The following WDR77 variants were observed in gnomAD, a reference collection of about 807,000 sequenced individuals.
The protein encoded by WDR77 is methylosome protein WDR77.
A neutral mutation model predicts 44.0 loss-of-function variants in WDR77; 31 were observed. The ratio of observed to expected loss-of-function variants is 0.70; its 90% CI spans 0.53 to 0.95. The LOEUF is 0.95. WDR77 is among the 40% of genes least tolerant of loss of function. WDR77 has a pLI of 0.00. For missense variants in WDR77, 390 were observed against 423.9 expected, an observed-to-expected ratio of 0.92 and a Z score of 0.70; for synonymous variants, 186 against 165.7, an observed-to-expected ratio of 1.12 and a Z score of -0.94.
At chr1:111,449,019 G>A (rs1356798204) in intron 1 of WDR77, 36 bp downstream of exon 1, 2 of 1,553,472 alleles carry the variant, frequency 1.3e-6, no homozygotes, top group African/African-American at 2.7e-5. Context: ...CCTGGGCCGG[G>A]GTAAGGGAGC....
Position 111,446,868 on chromosome 1 carries a change from T to C in WDR77, c.493+227A>G, listed in dbSNP as rs574429952. On this transcript the variant is annotated intron_variant, in intron 4 of 9. Transcript: ENST00000235090. ...GTTACAGATTAAACTCCTTGTTCTA[T>C]TCTTTCCTCCCTTTTCACTACTGCA... The C allele has an allele frequency of 1.3e-5, 7 of 536,974 alleles. No homozygotes were observed. The East Asian group carries it at 2.2e-4, about 17-fold the overall frequency. 33.3% of individuals were successfully genotyped at this position (536,974 alleles called of 1,614,324 possible).
intron 8 of WDR77, 23 bp from the exon 9 acceptor site, chr1:111,442,116 G>C: frequency 6.2e-6 from 10 of 1,610,570 alleles, no homozygotes; most frequent in Non-Finnish European, 8.5e-6. Flanking sequence ...GGAGAGGGTT[G>C]TGAAAGGTCC....
At position 111,442,899 on chromosome 1, in the gene WDR77, A is replaced by C. The variant is rs1380932570; in HGVS notation, c.692-138T>G. The C allele has an allele frequency of 2.7e-5, 15 of 557,124 alleles. No individual in the cohort carries two copies. The Admixed American group carries it at 5.1e-4, about 19-fold the overall frequency. The allele number at this position is 557,124 out of a possible 1,614,324, so 34.5% of individuals were successfully genotyped here. A position where few individuals can be genotyped will look rare whatever the true frequency, so the allele number is the denominator to read the frequency against. ...TCTCTTTTGCAAAGTAGGAATAATA[A>C]GTCACTGGATCATTGTGAAAATTAA... On this transcript the variant is annotated intron_variant, in intron 7 of 9. Transcript: ENST00000235090.
At chr1:111,448,568 A>C (rs1479182763) in intron 2 of WDR77, 51 bp downstream of exon 2, 1 of 1,610,126 alleles carries the variant, frequency 6.2e-7, no homozygotes, top group African/African-American at 1.3e-5. Context: ...CCAAGTCTCC[A>C]TTCTACCGTT....
rs772574019 is a variant in WDR77, at chr1:111,442,688, G to A, written c.765C>T (p.Ser255=). ...AGAACACCAGCCCAGTGACACACTG[G>A]GAGTGTACAGCTGAGCTCAGGACAC... The part of the protein sequence containing the change: ...TSCVLSSAVH[S]QCVTGLVFSP... The change falls in exon 8 of 10, where the codon TCC becomes TCT. Residue 255 remains serine, a synonymous_variant. Coordinates refer to ENST00000235090, the MANE Select transcript of WDR77 (RefSeq NM_024102.4). 6.3e-7 allele frequency: 1 copy of A among 1,594,750 alleles called. No homozygotes were observed. Among genetic ancestry groups the A allele is most frequent in the East Asian group, 2.3e-5 (1 of 44,264 alleles).
At chr1:111,448,032 C>A (rs750749259) in intron 2 of WDR77, among the ~76,000 whole-genome samples, 6 of 152,106 alleles carry the variant, frequency 3.9e-5, no homozygotes, top group Non-Finnish European at 5.9e-5. Flanking sequence ...AATAATTGAA[C>A]GTCTTGCACA....
At chr1:111,446,744 G>A (rs1349401800) in intron 4 of WDR77, 1 of 201,814 alleles carries the variant, frequency 5.0e-6, no homozygotes, top group Non-Finnish European at 9.9e-6. Flanking sequence ...AAAGGACCGA[G>A]TTTGAGCCCT....
chr1:111,441,581 T>C, intron 9 of WDR77, 192 bp from the exon 10 acceptor site: 2 of 1,295,196 alleles, frequency 1.5e-6, no homozygotes, highest in South Asian at 2.7e-5. Flanking sequence ...AATCCAGTCT[T>C]CTATTTTCAT....
At chr1:111,447,249 C>T in intron 3 of WDR77, 105 bp from the exon 4 acceptor site, 5 of 1,498,786 alleles carry the variant, frequency 3.3e-6, no homozygotes, top group Non-Finnish European at 4.6e-6. Context: ...AAGTCTTTGC[C>T]TCTTGGACTG....
In WDR77 at chr1:111,448,718, G is replaced by C. The variant is rs777471411; in HGVS notation, c.202C>G (p.Pro68Ala). 1 of 1,614,130 alleles carries C rather than the reference G, an allele frequency of 6.2e-7. No homozygotes were observed. Among genetic ancestry groups the C allele is most frequent in the South Asian group, 1.1e-5 (1 of 91,070 alleles). ...CCGGCGGAGCAGAAGCCTTCGTTGG[G>C]GGCGGCACAGGGGTCCTTAAAAAGC... Reference protein sequence around the residue: ...LWLFKDPCAAPNEGFCSAGVQ... With the variant: ...LWLFKDPCAAANEGFCSAGVQ... Residue 68 changes from proline (P) to alanine (A), a missense_variant, in exon 2 of 10, where the codon CCC becomes GCC. By Grantham distance (27) the Pro-to-Ala change is conservative. Transcript: ENST00000235090.
chr1:111,441,901 C>A, intron 9 of WDR77, 124 bp downstream of exon 9: 1 of 964,526 alleles, frequency 1.0e-6, no homozygotes, highest in Admixed American at 2.1e-5. Flanking sequence ...ATTACCAAGT[C>A]CCTTCGGATA....
chr1:111,441,138 T>C lies in WDR77; in HGVS notation c.*92A>G. ...GCACAGATCTAGCATATCAACATAC[T>C]ATAGAAGGCTCCTGTGTTGTCTCAC... On this transcript the variant is annotated 3_prime_UTR_variant, in exon 10 of 10. Transcript: ENST00000235090. 7.7e-7 allele frequency: 1 copy of C among 1,297,458 alleles called. No individual in the cohort carries two copies. Among genetic ancestry groups the C allele is most frequent in the Non-Finnish European group, 1.0e-6 (1 of 989,714 alleles). The allele number at this position is 1,297,458 out of a possible 1,614,324, so 80.4% of individuals were successfully genotyped here. A position where few individuals can be genotyped will look rare whatever the true frequency, so the allele number is the denominator to read the frequency against.
Position 111,448,787 on chromosome 1 carries a change from C to T in WDR77, c.133G>A (p.Gly45Arg). The T allele has an allele frequency of 6.3e-7, 1 of 1,585,466 alleles. No homozygotes were observed. The highest frequency in any genetic ancestry group is 1.1e-5 in the South Asian group (1 of 88,370). The change falls in exon 2 of 10, where the codon GGG becomes AGG. Residue 45 changes from glycine to arginine, a missense_variant. Coordinates refer to ENST00000235090, the MANE Select transcript of WDR77 (RefSeq NM_024102.4). ...CAGCGCCCACTCAGGCTGGAGGCCC[C>T]GAGGAGAAGCGCCCCATCTACGGGG... ...RYRSDGALLL[G>R]ASSLSGRCWA...
rs72990176 is a variant in WDR77 at position 111,441,807 on chromosome 1, C to T, written c.869+218G>A. ...CTAGACTTAAAAATTTCACCTACCA[C>T]CCCCCTCTACCAAGGACACGGCTTG... is the stretch of plus-strand genomic sequence containing the variant. On this transcript the variant is annotated intron_variant, in intron 9 of 9. Coordinates refer to ENST00000235090, the MANE Select transcript of WDR77 (RefSeq NM_024102.4). Among the ~76,000 whole-genome samples, 688 of 152,236 alleles carry T rather than the reference C, an allele frequency of 4.5e-3. 4 individuals carry two copies. Among genetic ancestry groups the T allele is most frequent in the African/African-American group, 0.016 (672 of 41,514 alleles).
rs1653093409 is a variant in WDR77, at chr1:111,447,500, G to C, written c.378C>G (p.Asp126Glu). ...VSKFCKYEHD[D>E]IVSTVSVLSS... ...TCAAGACACTGACTGTAGACACAAT[G>C]TCATCATGCTCATACTTGCAGAACT... The change falls in exon 3 of 10, where the codon GAC becomes GAG. Residue 126 changes from aspartate (D) to glutamate (E), a missense_variant. Transcript: ENST00000235090. 6.2e-7 allele frequency: 1 copy of C among 1,614,206 alleles called. No homozygotes were observed. The highest frequency in any genetic ancestry group is 2.2e-5 in the East Asian group (1 of 44,890).
In WDR77 at chr1:111,449,137, G is replaced by A. The variant is rs758776607; in HGVS notation, c.33C>T (p.Pro11=). The change falls in exon 1 of 10, where the codon CCC becomes CCT. Residue 11 remains proline (P), a synonymous_variant. Transcript: ENST00000235090. ...GAAGATTCCACTCCCGGGCCGCCGG[G>A]GGCACTAGGGGGGGTGGGGTTTCCT... The part of the protein sequence containing the change: MRKETPPPLV[P]PAAREWNLPP... 1 of 1,596,046 alleles carries A rather than the reference G, an allele frequency of 6.3e-7. No homozygotes were observed. Among genetic ancestry groups the A allele is most frequent in the East Asian group, 2.2e-5 (1 of 44,588 alleles).
At chr1:111,447,218 T>C in intron 3 of WDR77, 74 bp from the exon 4 acceptor site, 1 of 1,576,758 alleles carries the variant, frequency 6.3e-7, no homozygotes, top group Admixed American at 1.7e-5. Flanking sequence ...AAACAAGAAC[T>C]TCCTGTAATC....
In WDR77 at chr1:111,447,638, T is replaced by C. The variant is rs143290068; in HGVS notation, c.302-62A>G. On this transcript the variant is annotated intron_variant, in intron 2 of 9. Transcript: ENST00000235090. Reference sequence around the variant, plus strand: ...TTATACCAAGGCAGTAATTCACTTCTAGGATTCAAAGAGCCATTGTCACTA... The same window carrying C: ...TTATACCAAGGCAGTAATTCACTTCCAGGATTCAAAGAGCCATTGTCACTA... The C allele has an allele frequency of 1.1e-3, 1,711 of 1,588,050 alleles. 19 individuals are homozygous for C. In the African/African-American group the frequency reaches 0.019, roughly 18 times the overall value.
In WDR77 at chr1:111,442,097, T is replaced by C. The variant is rs773273809; in HGVS notation, c.801-4A>G. On this transcript the variant is annotated splice_region_variant and splice_polypyrimidine_tract_variant and intron_variant, in intron 8 of 9. Coordinates refer to ENST00000235090, the MANE Select transcript of WDR77 (RefSeq NM_024102.4). ...GAGAGAGGCCAGGAAGGGAACACTA[T>C]CAGATGGAGGAGAGGGTTGTGAAAG... 9.3e-6 allele frequency: 15 copies of C among 1,613,662 alleles called. No homozygotes were observed. The highest frequency in any genetic ancestry group is 1.2e-5 in the Non-Finnish European group (14 of 1,179,856).
Sources: allele counts gnomAD v4.1 joint callset (sites outside exome capture counted in the v4.1 genomes callset), GRCh38; gene constraint gnomAD v4.1.1; transcripts MANE v1.5; gene names NCBI Gene and HGNC (gene_info 2026-07-23, HGNC 2026-07-21).